TRIP11: variants seen among roughly 807,000 people sequenced by gnomAD.
TRIP11 encodes the protein thyroid receptor-interacting protein 11.
In TRIP11, 148 loss-of-function variants were observed where a neutral mutation model predicts 223.1. The ratio of observed to expected loss-of-function variants is 0.66; its 90% CI spans 0.58 to 0.76. The LOEUF is 0.76. TRIP11 is among the 30% of genes least tolerant of loss of function. The pLI, the probability that TRIP11 is intolerant of heterozygous loss-of-function variation, is 0.00. For missense variants in TRIP11, 2,043 were observed against 2,222.0 expected, an observed-to-expected ratio of 0.92 and a Z score of 1.62; for synonymous variants, 762 against 772.6, an observed-to-expected ratio of 0.99 and a Z score of 0.23.
Position 92,006,171 on chromosome 14 carries a change from A to G in TRIP11, c.1805T>C (p.Ile602Thr), listed in dbSNP as rs766812468. Residue 602 changes from isoleucine (I) to threonine (T), a missense_variant, in exon 11 of 21, where the codon ATC becomes ACC. Coordinates refer to ENST00000267622, the MANE Select transcript of TRIP11 (RefSeq NM_004239.4). ...CTTAAGTTCTAAATTCTCCTTCTGG[A>G]TGCTTACATTACTTTCTTGTGATTT... ...LNKSQESNVS[I>T]QKENLELKEH... 3 of 1,613,136 alleles carry G rather than the reference A, an allele frequency of 1.9e-6. No homozygotes were observed.
chr14:91,989,610 G>C (rs375076581), intron 15 of TRIP11, among the ~76,000 whole-genome samples: 9 of 151,204 alleles, frequency 6.0e-5, no homozygotes, highest in Admixed American at 4.6e-4. Context: ...TTAAGGTCAA[G>C]TTTTGCCATC....
chr14:92,021,894 AG>A, intron 3 of TRIP11, 63 bp from the exon 4 acceptor site: 2 of 1,556,298 alleles, frequency 1.3e-6, no homozygotes, highest in South Asian at 2.2e-5. Flanking sequence ...GACTTTTTAT[AG>A]ATTTGTATTA....
chr14:92,020,204 A>G (rs974489864), intron 4 of TRIP11, among the ~76,000 whole-genome samples: 1 of 151,970 alleles, frequency 6.6e-6, no homozygotes, highest in Non-Finnish European at 1.5e-5. Flanking sequence ...GTGAGCTGAG[A>G]TGGTGCCACT....
At chr14:91,984,945 GTAAT>G (rs1394812945) in intron 16 of TRIP11, among the ~76,000 whole-genome samples, 1 of 152,172 alleles carries the variant, frequency 6.6e-6, no homozygotes, top group Non-Finnish European at 1.5e-5. Context: ...AAGGATAGCA[GTAAT>G]TCTTTTAACA....
chr14:91,985,791 C>CA (rs1213288679), intron 16 of TRIP11, among the ~76,000 whole-genome samples: 1 of 152,152 alleles, frequency 6.6e-6, no homozygotes, highest in Non-Finnish European at 1.5e-5. Flanking sequence ...ATTACAACAT[C>CA]AATCAACATT....
Position 92,005,748 on chromosome 14 carries a change from A to G in TRIP11, c.2228T>C (p.Ile743Thr). The change falls in exon 11 of 21, where the codon ATT becomes ACT. Residue 743 changes from isoleucine (I) to threonine (T), a missense_variant. Coordinates refer to ENST00000267622, the MANE Select transcript of TRIP11 (RefSeq NM_004239.4). ...ATTACGTGCATTTGACAGTTCTTCA[A>G]TGGTTTTCTCATACTTGTTTGCTTC... ...LEEANKYEKT[I>T]EELSNARNLN... 1 of 1,614,046 alleles carries G rather than the reference A, an allele frequency of 6.2e-7. No individual in the cohort carries two copies. Among genetic ancestry groups the G allele is most frequent in the African/African-American group, 1.3e-5 (1 of 75,054 alleles).
intron 1 of TRIP11, among the ~76,000 whole-genome samples, chr14:92,036,307 A>G (rs928100269): frequency 1.3e-5 from 2 of 152,240 alleles, no homozygotes; most frequent in African/African-American, 4.8e-5. Context: ...GACTTTGTCA[A>G]TAAGGGCAAA....
At position 92,025,349 on chromosome 14, in the gene TRIP11, C is replaced by T; in HGVS notation, c.273G>A (p.Gln91=). 3 of 1,613,494 alleles carry T rather than the reference C, an allele frequency of 1.9e-6. No individual in the cohort carries two copies. The East Asian group carries it at 6.7e-5, about 36-fold the overall frequency. ...KHEASEIQIK[Q]QSTSYRNQLQ... is the part of the protein sequence containing the mutation. ...GTTGATTTCGGTAACTTGTAGATTG[C>T]TGCTTTATTTGAATCTCTGATGCTT... Residue 91 remains glutamine (Q), a synonymous_variant, in exon 3 of 21, where the codon CAG becomes CAA. Coordinates refer to ENST00000267622, the MANE Select transcript of TRIP11 (RefSeq NM_004239.4).
Position 92,000,072 on chromosome 14 carries a change from C to T in TRIP11, c.4594G>A (p.Val1532Ile). The change falls in exon 12 of 21, where the codon GTT (valine) becomes ATT (isoleucine). Residue 1532 changes from valine (V) to isoleucine (I), a missense_variant. Physicochemically the swap from Val to Ile is conservative, Grantham distance 29. Transcript: ENST00000267622. ...TGELNQLLNA[V>I]KSMQEKTVVF... ...ACTGTCTTCTCCTGCATTGATTTAACTGCATTTAAAAGCTGATTTAACTCT... is the reference window on the plus strand; with the variant it reads ...ACTGTCTTCTCCTGCATTGATTTAATTGCATTTAAAAGCTGATTTAACTCT... The T allele has an allele frequency of 6.2e-7, 1 of 1,613,956 alleles. No individual in the cohort carries two copies. The highest frequency in any genetic ancestry group is 8.5e-7 in the Non-Finnish European group (1 of 1,179,964).
Position 92,007,782 on chromosome 14 carries a change from T to A in TRIP11, c.1385A>T (p.Asp462Val). Reference sequence around the variant, plus strand: ...ATGTAATTCTGAATCCAAACTTATGTCTCTTGTAGCTGTACTTTTAATTAC... The same window carrying A: ...ATGTAATTCTGAATCCAAACTTATGACTCTTGTAGCTGTACTTTTAATTAC... ...YEVIKSTATR[D>V]ISLDSELHDL... Residue 462 changes from aspartate to valine, a missense_variant, in exon 10 of 21, where the codon GAC becomes GTC. Transcript: ENST00000267622. 1 of 1,613,684 alleles carries A rather than the reference T, an allele frequency of 6.2e-7. No homozygotes were observed. The highest frequency in any genetic ancestry group is 8.5e-7 in the Non-Finnish European group (1 of 1,179,940).
At position 92,004,566 on chromosome 14, in the gene TRIP11, T is replaced by C. The variant is rs768801158; in HGVS notation, c.3410A>G (p.Gln1137Arg). The change falls in exon 11 of 21, where the codon CAA becomes CGA. Residue 1137 changes from glutamine (Q) to arginine (R), a missense_variant. Physicochemically the swap from Gln to Arg is conservative, Grantham distance 43 (BLOSUM62 1). Coordinates refer to ENST00000267622, the MANE Select transcript of TRIP11 (RefSeq NM_004239.4). ...AAKEAALIKLQDENKKLSTRF... is the reference protein window; with the variant it reads ...AAKEAALIKLRDENKKLSTRF... ...AGTGGACAATTTTTTATTTTCATCT[T>C]GCAGTTTGATAAGAGCTGCTTCCTT... is the stretch of plus-strand genomic sequence containing the variant. 1.9e-5 allele frequency: 30 copies of C among 1,613,806 alleles called. No homozygotes were observed. The East Asian group carries it at 6.5e-4, about 35-fold the overall frequency.
chr14:91,980,988 T>C (rs2140089449), intron 16 of TRIP11, among the ~76,000 whole-genome samples: 1 of 137,970 alleles, frequency 7.2e-6, no homozygotes, highest in East Asian at 2.0e-4. Flanking sequence ...TTTATATGTA[T>C]ATTATATATA....
chr14:92,015,782 TTC>T lies in TRIP11; in HGVS notation c.735_736del (p.Lys246IlefsTer14). ...ATGTCGTCGACTTATTTCTGTCAATTTCTGTTGGTGTGCATTCTGCAGTACTG... is the reference window on the plus strand; with the variant it reads ...ATGTCGTCGACTTATTTCTGTCAATTTGTTGGTGTGCATTCTGCAGTACTG... On this transcript the variant is annotated frameshift_variant, in exon 6 of 21. Coordinates refer to ENST00000267622, the MANE Select transcript of TRIP11 (RefSeq NM_004239.4). LOFTEE classifies it high-confidence loss of function. 1 of 1,613,682 alleles carries T rather than the reference TTC, an allele frequency of 6.2e-7. No homozygotes were observed. Among genetic ancestry groups the T allele is most frequent in the Non-Finnish European group, 8.5e-7 (1 of 1,179,868 alleles).
chr14:91,978,032 A>G lies in TRIP11; in HGVS notation c.5261-1843T>C, dbSNP rs1372601677. Among the ~76,000 whole-genome samples, 1 of 152,028 alleles carries G rather than the reference A, an allele frequency of 6.6e-6. No individual in the cohort carries two copies. The highest frequency in any genetic ancestry group is 1.5e-5 in the Non-Finnish European group (1 of 68,008). On this transcript the variant is annotated intron_variant, in intron 16 of 20. Coordinates refer to ENST00000267622, the MANE Select transcript of TRIP11 (RefSeq NM_004239.4). The surrounding 1 kb of genome is among the most constrained non-coding windows in gnomAD (Gnocchi z 4.4). ...AGTAAGGAATTTAAACTTGGACGAGAGAGGGAGAGAGAGAAGGGGAGAGAG... is the reference window on the plus strand; with the variant it reads ...AGTAAGGAATTTAAACTTGGACGAGGGAGGGAGAGAGAGAAGGGGAGAGAG...
intron 14 of TRIP11, among the ~76,000 whole-genome samples, chr14:91,994,913 T>C (rs191769588): frequency 1.3e-3 from 197 of 152,286 alleles, no homozygotes; most frequent in African/African-American, 4.5e-3. Flanking sequence ...AACATGTGAA[T>C]CACCATTTCA....
In TRIP11 at chr14:91,969,451, T is replaced by A; in HGVS notation, c.*222A>T. ...ATAAATTAAATGTTCCTAGCTTAAA[T>A]TAGGTCAAATCAGAAGGAATAAAGC... On this transcript the variant is annotated 3_prime_UTR_variant, in exon 21 of 21. Coordinates refer to ENST00000267622, the MANE Select transcript of TRIP11 (RefSeq NM_004239.4). 1.8e-6 allele frequency: 1 copy of A among 560,276 alleles called. No homozygotes were observed. Among genetic ancestry groups the A allele is most frequent in the Non-Finnish European group, 3.2e-6 (1 of 314,254 alleles). The allele number at this position is 560,276 out of a possible 1,614,324, so 34.7% of individuals were successfully genotyped here. A position where few individuals can be genotyped will look rare whatever the true frequency, so the allele number is the denominator to read the frequency against.
At position 91,995,779 on chromosome 14, in the gene TRIP11, C is replaced by A. The variant is rs140838499; in HGVS notation, c.4893-264G>T. On this transcript the variant is annotated intron_variant, in intron 13 of 20. Transcript: ENST00000267622. ...TATAGGCGTGCACAACCATGCCTGG[C>A]TAATTTTTGTATTTTTAGTAAAGAT... Among the ~76,000 whole-genome samples, 3,603 of 151,978 alleles carry A rather than the reference C, an allele frequency of 0.024. 152 individuals are homozygous for A. Among genetic ancestry groups the A allele is most frequent in the African/African-American group, 0.082 (3,398 of 41,434 alleles).
Position 91,975,283 on chromosome 14 carries a change from G to A in TRIP11, c.5346C>T (p.Val1782=), listed in dbSNP as rs749306398. Residue 1782 remains valine (V), a synonymous_variant, in exon 18 of 21, where the codon GTC becomes GTT. Coordinates refer to ENST00000267622, the MANE Select transcript of TRIP11 (RefSeq NM_004239.4). ...GACCAATGAAGAGGTTTCTCATTAG[G>A]ACTCTATGAAAATAAAGGCAGAAAC... ...ANSSEGKVDK[V]LMRNLFIGHF... 1 of 1,612,120 alleles carries A rather than the reference G, an allele frequency of 6.2e-7. No homozygotes were observed. Among genetic ancestry groups the A allele is most frequent in the African/African-American group, 1.3e-5 (1 of 74,918 alleles).
At chr14:91,976,847 A>G (rs74071682) in intron 16 of TRIP11, among the ~76,000 whole-genome samples, 2,009 of 152,314 alleles carry the variant, frequency 0.013, 30 homozygotes, top group African/African-American at 0.045. Flanking sequence ...TTGGTGGAAT[A>G]GTTGGAATTT....
Sources: allele counts gnomAD v4.1 joint callset (sites outside exome capture counted in the v4.1 genomes callset), GRCh38; gene constraint gnomAD v4.1.1; non-coding constraint Gnocchi (gnomAD v3.1); transcripts MANE v1.5; gene names NCBI Gene and HGNC (gene_info 2026-07-23, HGNC 2026-07-21).